TCHP: variants seen among roughly 807,000 people sequenced by gnomAD.
TCHP encodes trichoplein keratin filament-binding protein.
Under a neutral mutation model 88.7 loss-of-function variants are expected in TCHP, and 81 were observed. That is an observed-to-expected ratio of 0.91 (90% CI 0.76 to 1.10). The LOEUF (loss-of-function observed/expected upper bound fraction) is 1.10, where lower values mean the gene tolerates loss of function less well. TCHP is among the 50% of genes least tolerant of loss of function. The probability of loss-of-function intolerance (pLI) is 0.00; values close to 1 mark genes in which losing one functional copy is unlikely to be tolerated. For missense variants in TCHP, 641 were observed against 632.1 expected (o/e 1.01, Z -0.15); for synonymous variants, 232 against 232.5 (o/e 1.00, Z 0.02).
chr12:109,881,890 T>A, the TCHP span, among the ~76,000 whole-genome samples: 169 of 152,306 alleles, frequency 1.1e-3, 2 homozygotes, highest in Admixed American at 6.1e-3. Context: ...CATTCCAGAA[T>A]AAACATTTGC....
chr12:109,885,857 G>T, the TCHP span, among the ~76,000 whole-genome samples: 1 of 151,546 alleles, frequency 6.6e-6, no homozygotes, highest in Non-Finnish European at 1.5e-5. Context: ...AGCTCACTGC[G>T]GCCTTGAACT....
rs1412410892 is a variant in TCHP at position 109,904,003 on chromosome 12, A to G, written c.255A>G (p.Glu85=). 2 of 1,611,298 alleles carry G rather than the reference A, an allele frequency of 1.2e-6. No homozygotes were observed. Among genetic ancestry groups the G allele is most frequent in the African/African-American group, 2.7e-5 (2 of 74,904 alleles). Reference sequence around the variant, plus strand: ...GGAGGAGTCTGGAGGCCCGACGGGAAAAGCTCAGGCAGCTCATGCAGGAGG... The same window carrying G: ...GGAGGAGTCTGGAGGCCCGACGGGAGAAGCTCAGGCAGCTCATGCAGGAGG... ...EKRRSLEARR[E]KLRQLMQEEQ... Residue 85 remains glutamate, a synonymous_variant, in exon 3 of 13, where the codon GAA becomes GAG. Coordinates refer to ENST00000405876, the MANE Select transcript of TCHP (RefSeq NM_001143852.2).
At position 109,905,663 on chromosome 12, in the gene TCHP, C is replaced by T. The variant is rs533874239; in HGVS notation, c.456+870C>T. On this transcript the variant is annotated intron_variant, in intron 4 of 12. Coordinates refer to ENST00000405876, the MANE Select transcript of TCHP (RefSeq NM_001143852.2). The surrounding 1 kb of genome is among the most constrained non-coding windows in gnomAD (Gnocchi z 4.0). Reference sequence around the variant, plus strand: ...AGTTTTTGTATACATTTGGTGCCTTCGTGTTATTCGTAGTTACATTTAGAA... The same window carrying T: ...AGTTTTTGTATACATTTGGTGCCTTTGTGTTATTCGTAGTTACATTTAGAA... Among the ~76,000 whole-genome samples, 5 of 152,124 alleles carry T rather than the reference C, an allele frequency of 3.3e-5. No homozygotes were observed. Among genetic ancestry groups the T allele is most frequent in the Non-Finnish European group, 7.4e-5 (5 of 68,024 alleles).
the TCHP span, among the ~76,000 whole-genome samples, chr12:109,882,928 AT>A: frequency 6.6e-6 from 1 of 151,968 alleles, no homozygotes; most frequent in South Asian, 2.1e-4. Context: ...AAGTGCTGGG[AT>A]TACAGGTGTG....
At chr12:109,897,021 G>A (rs1286204018), upstream of TCHP, among the ~76,000 whole-genome samples, 1 of 152,180 alleles carries the variant, frequency 6.6e-6, no homozygotes, top group Non-Finnish European at 1.5e-5. Context: ...GATGATCCCT[G>A]CTCTTGTGTT....
intron 4 of TCHP, 152 bp from the exon 5 acceptor site, chr12:109,906,420 A>C: frequency 1.6e-6 from 1 of 619,398 alleles, no homozygotes; most frequent in Non-Finnish European, 2.9e-6. Context: ...AAGTCACCCC[A>C]CGCTCTCTAC....
upstream of TCHP, among the ~76,000 whole-genome samples, chr12:109,897,558 C>T (rs1044788386): frequency 6.7e-6 from 1 of 149,096 alleles, no homozygotes; most frequent in African/African-American, 2.5e-5. Context: ...TCTTTTCTTT[C>T]TTTCTTTCTT....
chr12:109,904,978 C>G (rs953328712), intron 4 of TCHP, 185 bp downstream of exon 4: 1 of 588,092 alleles, frequency 1.7e-6, no homozygotes, highest in Admixed American at 3.2e-5. Context: ...GGTTGTTGAA[C>G]AAATGTTGAT....
chr12:109,900,522 G>C (rs1290002132), intron 1 of TCHP, 96 bp downstream of exon 1: 1 of 152,268 alleles, frequency 6.6e-6, no homozygotes, highest in Non-Finnish European at 1.5e-5. Context: ...GTCAGCGGGC[G>C]CGAGCTCAGG....
At chr12:109,902,877 G>A (rs966661905) in intron 1 of TCHP, 150 bp from the exon 2 acceptor site, 1 of 555,378 alleles carries the variant, frequency 1.8e-6, no homozygotes, top group African/African-American at 1.9e-5. Context: ...GCTCAGACAC[G>A]GTTTTGTTTG....
the TCHP span, among the ~76,000 whole-genome samples, chr12:109,883,324 C>T: frequency 6.6e-6 from 1 of 151,984 alleles, no homozygotes; most frequent in Admixed American, 6.6e-5. Flanking sequence ...GTGTGAACCA[C>T]TGTGCCCAGC....
chr12:109,901,372 TG>T (rs762121255), intron 1 of TCHP, among the ~76,000 whole-genome samples: 3 of 152,348 alleles, frequency 2.0e-5, no homozygotes, highest in Non-Finnish European at 4.4e-5. Flanking sequence ...CACCTAGCCT[TG>T]TTTCCACATG....
chr12:109,887,423 C>CA, the TCHP span, among the ~76,000 whole-genome samples: 258 of 138,736 alleles, frequency 1.9e-3, no homozygotes, highest in East Asian at 8.8e-3. Context: ...AAAAAAAAAA[C>CA]AAAAAAAAAA....
At position 109,914,494 on chromosome 12, in the gene TCHP, G is replaced by T; in HGVS notation, c.1187G>T (p.Arg396Leu). The change falls in exon 11 of 13, where the codon CGG (arginine) becomes CTG (leucine). Residue 396 changes from arginine to leucine, a missense_variant. Transcript: ENST00000405876. ...QIQEKIEQNR[R>L]AQEESLKHRE... ...CAAGAGAAGATTGAGCAGAACCGAC[G>T]GGCACAAGAGGAATCCCTGAAACAC... The T allele has an allele frequency of 6.2e-7, 1 of 1,614,102 alleles. No homozygotes were observed. The highest frequency in any genetic ancestry group is 1.1e-5 in the South Asian group (1 of 91,056).
chr12:109,909,116 A>G (rs1339872248), intron 8 of TCHP, among the ~76,000 whole-genome samples, 179 bp downstream of exon 8: 2 of 152,206 alleles, frequency 1.3e-5, no homozygotes, highest in Non-Finnish European at 2.9e-5. Flanking sequence ...AGTGTCCATC[A>G]TGTTGATCAC....
At chr12:109,889,192 G>A in the TCHP span, among the ~76,000 whole-genome samples, 1 of 152,212 alleles carries the variant, frequency 6.6e-6, no homozygotes, top group South Asian at 2.1e-4. Context: ...GACGACTCTG[G>A]GCTGGGTGCG....
In TCHP at chr12:109,905,069, G is replaced by A; in HGVS notation, c.456+276G>A. On this transcript the variant is annotated intron_variant, in intron 4 of 12. Coordinates refer to ENST00000405876, the MANE Select transcript of TCHP (RefSeq NM_001143852.2). The surrounding 1 kb of genome is among the most constrained non-coding windows in gnomAD (Gnocchi z 4.0). Reference sequence around the variant, plus strand: ...TGCTCATTAGCTTGTGTCCAGCATGGGAGCTCATTACAGGGCAGGATGCAG... The same window carrying A: ...TGCTCATTAGCTTGTGTCCAGCATGAGAGCTCATTACAGGGCAGGATGCAG... 2.2e-6 allele frequency: 1 copy of A among 457,504 alleles called. No homozygotes were observed. The highest frequency in any genetic ancestry group is 3.9e-6 in the Non-Finnish European group (1 of 253,528). 28.3% of individuals were successfully genotyped at this position (457,504 alleles called of 1,614,324 possible).
chr12:109,888,619 T>C, the TCHP span, among the ~76,000 whole-genome samples: 1 of 152,332 alleles, frequency 6.6e-6, no homozygotes. Flanking sequence ...GCTGAGTTCG[T>C]GGTCTTGCTG....
chr12:109,885,478 G>GTTTTTTTT, the TCHP span, among the ~76,000 whole-genome samples: 3 of 118,176 alleles, frequency 2.5e-5, no homozygotes, highest in Admixed American at 8.5e-5. Context: ...AAATCTGATG[G>GTTTTTTTT]TTTTTTTTTT....
Sources: gnomAD v4.1 joint callset for allele counts (sites outside exome capture counted in the v4.1 genomes callset) on GRCh38, gnomAD v4.1.1 for gene constraint, Gnocchi (gnomAD v3.1) non-coding constraint, MANE v1.5 for transcripts, NCBI Gene and HGNC (gene_info 2026-07-23, HGNC 2026-07-21) for gene names.